Variants in CNTN5 observed in about 807,000 individuals in gnomAD.
The protein encoded by CNTN5 is contactin-5.
In CNTN5, 77 loss-of-function variants were observed where a neutral mutation model predicts 129.1. The ratio of observed to expected loss-of-function variants is 0.60; its 90% CI spans 0.50 to 0.72. The LOEUF (loss-of-function observed/expected upper bound fraction) is 0.72, where lower values mean the gene tolerates loss of function less well. CNTN5 is among the 30% of genes least tolerant of loss of function. The pLI is 0.00. For synonymous variants in CNTN5, 509 were observed against 465.6 expected (o/e 1.09, Z -1.20); for missense variants, 1,478 against 1,328.8 (o/e 1.11, Z -1.75).
At chr11:99,954,867 T>C (rs113772880) in intron 7 of CNTN5, among the ~76,000 whole-genome samples, 1 of 152,294 alleles carries the variant, frequency 6.6e-6, no homozygotes, top group African/African-American at 2.4e-5. Context: ...GAAAACTTAC[T>C]TGAAGAACTA....
chr11:99,322,480 A>G (rs1016343386), intron 1 of CNTN5, among the ~76,000 whole-genome samples: 20 of 152,178 alleles, frequency 1.3e-4, no homozygotes, highest in Admixed American at 1.2e-3. Flanking sequence ...TCAGGTGGAC[A>G]GGGGTGGCAA....
intron 2 of CNTN5, among the ~76,000 whole-genome samples, chr11:99,379,053 C>T (rs1030430694): frequency 4.0e-5 from 6 of 151,748 alleles, no homozygotes; most frequent in African/African-American, 1.2e-4. Flanking sequence ...TGCCTATTGC[C>T]TATTTAATTT....
intron 7 of CNTN5, among the ~76,000 whole-genome samples, chr11:99,927,642 G>A (rs1304107254): frequency 6.6e-6 from 1 of 152,064 alleles, no homozygotes; most frequent in Non-Finnish European, 1.5e-5. Flanking sequence ...CTTGCTCACT[G>A]TCATGAGAAC....
At chr11:100,292,976 T>C (rs948631905) in intron 18 of CNTN5, among the ~76,000 whole-genome samples, 5 of 151,876 alleles carry the variant, frequency 3.3e-5, no homozygotes, top group Admixed American at 1.3e-4. Flanking sequence ...TTCTTGTCCA[T>C]GATGGTGACT....
intron 18 of CNTN5, among the ~76,000 whole-genome samples, chr11:100,294,180 T>G (rs536546169): frequency 3.2e-4 from 48 of 151,738 alleles, no homozygotes; most frequent in African/African-American, 9.6e-4. Flanking sequence ...AATTGGAAAT[T>G]TTTCAGGTAA....
chr11:99,567,978 C>G (rs564199269), intron 3 of CNTN5, among the ~76,000 whole-genome samples: 1 of 152,158 alleles, frequency 6.6e-6, no homozygotes, highest in East Asian at 1.9e-4. Context: ...TAAAATTAAA[C>G]TATCAACTAA....
chr11:100,305,243 T>G (rs890119158), intron 20 of CNTN5, among the ~76,000 whole-genome samples: 2 of 151,538 alleles, frequency 1.3e-5, no homozygotes, highest in Non-Finnish European at 3.0e-5. Context: ...ATCTGCAAAA[T>G]GAGAGCATGG....
At chr11:99,341,672 A>C (rs1048931838) in intron 2 of CNTN5, among the ~76,000 whole-genome samples, 4 of 152,198 alleles carry the variant, frequency 2.6e-5, no homozygotes, top group African/African-American at 9.6e-5. Flanking sequence ...TGTTATCTAC[A>C]AACAACAAAA....
intron 3 of CNTN5, among the ~76,000 whole-genome samples, chr11:99,730,515 A>C (rs1334177902): frequency 6.6e-6 from 1 of 152,188 alleles, no homozygotes; most frequent in Non-Finnish European, 1.5e-5. Flanking sequence ...CATTTACAAA[A>C]TCATTCAATG....
At chr11:99,699,847 A>G (rs1031403123) in intron 3 of CNTN5, among the ~76,000 whole-genome samples, 15 of 151,386 alleles carry the variant, frequency 9.9e-5, no homozygotes, top group African/African-American at 3.6e-4. Context: ...CTAACTTTAC[A>G]TAATAGGTCC....
intron 1 of CNTN5, among the ~76,000 whole-genome samples, chr11:99,125,245 A>G (rs930156933): frequency 3.9e-5 from 6 of 152,098 alleles, no homozygotes; most frequent in African/African-American, 1.4e-4. Flanking sequence ...AGCACATTAG[A>G]AAGCTAATGC....
intron 6 of CNTN5, among the ~76,000 whole-genome samples, chr11:99,852,697 T>C (rs994374303): frequency 2.6e-5 from 4 of 152,202 alleles, no homozygotes; most frequent in Admixed American, 2.0e-4. Flanking sequence ...TTTTCCTGGC[T>C]TGGCACAGGG....
chr11:100,323,632 C>T (rs1014706925), intron 21 of CNTN5, among the ~76,000 whole-genome samples: 19 of 127,890 alleles, frequency 1.5e-4, no homozygotes, highest in Non-Finnish European at 2.4e-4. Context: ...TTTATATGTC[C>T]TCCTCCCCCC....
chr11:99,716,621 A>T (rs1387893132), intron 3 of CNTN5, among the ~76,000 whole-genome samples: 2 of 152,068 alleles, frequency 1.3e-5, no homozygotes, highest in Non-Finnish European at 2.9e-5. Context: ...CTCAAACTAC[A>T]TGCAGCTCTT....
chr11:100,218,293 C>T (rs1427052636), intron 15 of CNTN5, among the ~76,000 whole-genome samples: 1 of 152,166 alleles, frequency 6.6e-6, no homozygotes, highest in Non-Finnish European at 1.5e-5. Context: ...TACATATCAG[C>T]ATACGCTAAA....
chr11:99,987,220 G>T (rs919554366), intron 8 of CNTN5, among the ~76,000 whole-genome samples: 1 of 151,924 alleles, frequency 6.6e-6, no homozygotes, highest in Non-Finnish European at 1.5e-5. Flanking sequence ...TTGTACCAGG[G>T]ACTGTGTGAG....
At chr11:99,283,846 A>C (rs1863808055) in intron 1 of CNTN5, among the ~76,000 whole-genome samples, 1 of 152,166 alleles carries the variant, frequency 6.6e-6, no homozygotes, top group Non-Finnish European at 1.5e-5. Context: ...TTTGGAAGTG[A>C]TTACTAAGAA....
intron 9 of CNTN5, among the ~76,000 whole-genome samples, chr11:100,025,416 C>A (rs1040404667): frequency 9.2e-5 from 14 of 152,194 alleles, no homozygotes; most frequent in African/African-American, 3.4e-4. Flanking sequence ...TGGTGCAGTG[C>A]AGAAGGGAAC....
At position 99,273,103 on chromosome 11, in the gene CNTN5, T is replaced by C. The variant is rs76191095; in HGVS notation, c.-209-52243T>C. ...GCTTAGAGTGTCACGGAAAGAAAAA[T>C]GAGTAAGGAAAACCACTAATTAGAT... On this transcript the variant is annotated intron_variant, in intron 1 of 24. Coordinates refer to ENST00000524871, the MANE Select transcript of CNTN5 (RefSeq NM_014361.4). Among the ~76,000 whole-genome samples the C allele has an allele frequency of 9.8e-3, 1,482 of 151,732 alleles. 11 individuals are homozygous for C. Among genetic ancestry groups the C allele is most frequent in the Non-Finnish European group, 0.017 (1,126 of 67,820 alleles).
Sources: allele counts gnomAD v4.1 joint callset (sites outside exome capture counted in the v4.1 genomes callset), GRCh38; gene constraint gnomAD v4.1.1; transcripts MANE v1.5; gene names NCBI Gene and HGNC (gene_info 2026-07-23, HGNC 2026-07-21).